The following DHRSX variants were observed in gnomAD, a reference collection of about 807,000 sequenced individuals.
DHRSX encodes dehydrogenase/reductase X-linked, also known as polyprenol dehydrogenase.
In DHRSX, 31 loss-of-function variants were observed where a neutral mutation model predicts 34.0. The ratio of observed to expected loss-of-function variants is 0.91; its 90% CI spans 0.69 to 1.23. DHRSX has a LOEUF of 1.23. Among genes scored for constraint, DHRSX ranks in the 50% most tolerant of loss-of-function variants. DHRSX has a pLI of 0.00. For missense variants in DHRSX, 414 were observed against 428.1 expected, an observed-to-expected ratio of 0.97 and a Z score of 0.29; for synonymous variants, 201 against 183.8, an observed-to-expected ratio of 1.09 and a Z score of -0.76.
At chrX:2,499,287 TC>T (rs2045353952) in intron 1 of DHRSX, among the ~76,000 whole-genome samples, 1 of 151,888 alleles carries the variant, frequency 6.6e-6, no homozygotes, top group Non-Finnish European at 1.5e-5. Flanking sequence ...AAATAACAGC[TC>T]TCTTCTTAGG....
intron 3 of DHRSX, among the ~76,000 whole-genome samples, chrX:2,294,000 A>C (rs1376488722): frequency 2.0e-5 from 3 of 152,114 alleles, no homozygotes; most frequent in East Asian, 1.9e-4. Flanking sequence ...CATCAGAGAG[A>C]GAGAAGAGAC....
chrX:2,424,429 C>T (rs1435907461), intron 2 of DHRSX, among the ~76,000 whole-genome samples: 5 of 151,966 alleles, frequency 3.3e-5, no homozygotes, highest in South Asian at 2.1e-4. Context: ...AGTGAGGTGT[C>T]GGGAGGAACC....
At chrX:2,282,883 G>A (rs919380557) in intron 4 of DHRSX, among the ~76,000 whole-genome samples, 5 of 140,236 alleles carry the variant, frequency 3.6e-5, no homozygotes, top group Admixed American at 1.4e-4. Context: ...GGGAGAGAGG[G>A]AGGGAGGAGG....
At chrX:2,469,986 A>G (rs773698966) in intron 1 of DHRSX, among the ~76,000 whole-genome samples, 1 of 152,188 alleles carries the variant, frequency 6.6e-6, no homozygotes, top group South Asian at 2.1e-4. Context: ...GTTCCAAGAT[A>G]TACAATCAAC....
At chrX:2,465,809 C>CAAAAAAAAAAAAAAAAA (rs375728172) in intron 1 of DHRSX, among the ~76,000 whole-genome samples, 15 of 84,720 alleles carry the variant, frequency 1.8e-4, no homozygotes, top group African/African-American at 5.4e-4. Context: ...AACTCCATCG[C>CAAAAAAAAAAAAAAAAA]AAAAAAAAAA....
chrX:2,255,188 C>G (rs1278314348), intron 5 of DHRSX, among the ~76,000 whole-genome samples: 1 of 152,016 alleles, frequency 6.6e-6, no homozygotes, highest in African/African-American at 2.4e-5. Flanking sequence ...TGGTGTCGAT[C>G]TCAAAGAGAG....
chrX:2,463,120 C>T (rs1429681352), intron 1 of DHRSX, among the ~76,000 whole-genome samples: 1 of 152,174 alleles, frequency 6.6e-6, no homozygotes, highest in Non-Finnish European at 1.5e-5. Context: ...TGATCTTGAA[C>T]CTCCAGCCTT....
intron 1 of DHRSX, among the ~76,000 whole-genome samples, chrX:2,491,672 G>A (rs1383835272): frequency 1.3e-5 from 2 of 152,214 alleles, no homozygotes; most frequent in Admixed American, 1.3e-4. Context: ...ATGAAGCCAT[G>A]TGGAACGTCA....
intron 1 of DHRSX, among the ~76,000 whole-genome samples, chrX:2,443,423 C>T (rs1420932243): frequency 6.6e-6 from 1 of 151,988 alleles, no homozygotes; most frequent in Non-Finnish European, 1.5e-5. Context: ...CCAGTCAAGG[C>T]AGCATGCAAA....
rs1159991841 is a variant in DHRSX, at chrX:2,331,436, G to GTTTTTTTTTT, written c.287-39843_287-39834dup. ...GGAATCCTTTCAGGAAGGTTTTTTG[G>GTTTTTTTTTT]TTTTTTTTTTTTTTTTTTTTTTTTT... On this transcript the variant is annotated intron_variant, in intron 3 of 6. Transcript: ENST00000334651. 5.4e-3 allele frequency among the ~76,000 whole-genome samples: 514 copies of GTTTTTTTTTT among 94,616 alleles called. 69 individuals carry two copies. The highest frequency in any genetic ancestry group is 8.9e-3 in the Non-Finnish European group (412 of 46,446). The allele number at this position is 94,616 out of a possible 152,430, so 62.1% of individuals were successfully genotyped here.
At chrX:2,427,835 T>G (rs2043868591) in intron 1 of DHRSX, among the ~76,000 whole-genome samples, 1 of 152,226 alleles carries the variant, frequency 6.6e-6, no homozygotes, top group African/African-American at 2.4e-5. Context: ...TGGAATGTTC[T>G]TTATTAAAAT....
intron 4 of DHRSX, among the ~76,000 whole-genome samples, chrX:2,290,309 T>C (rs1472136919): frequency 6.6e-6 from 1 of 152,108 alleles, no homozygotes; most frequent in Non-Finnish European, 1.5e-5. Flanking sequence ...AAAAATTAGA[T>C]AGAAGCTACC....
At chrX:2,379,451 A>G (rs1339915761) in intron 3 of DHRSX, among the ~76,000 whole-genome samples, 1 of 152,176 alleles carries the variant, frequency 6.6e-6, no homozygotes, top group Non-Finnish European at 1.5e-5. Context: ...TCTGTGAATG[A>G]GGATAGCCCA....
chrX:2,308,880 G>A (rs995070698), intron 3 of DHRSX, among the ~76,000 whole-genome samples: 79 of 141,120 alleles, frequency 5.6e-4, no homozygotes, highest in Non-Finnish European at 1.1e-3. Flanking sequence ...AAGGATGGGT[G>A]GAAACGGGGA....
chrX:2,446,260 A>T (rs2044132829), intron 1 of DHRSX, among the ~76,000 whole-genome samples: 2 of 151,698 alleles, frequency 1.3e-5, no homozygotes, highest in South Asian at 4.2e-4. Flanking sequence ...CACACCATGT[A>T]CAAACTGAAG....
chrX:2,445,457 T>C (rs1386158067), intron 1 of DHRSX, among the ~76,000 whole-genome samples: 1 of 152,142 alleles, frequency 6.6e-6, no homozygotes, highest in Non-Finnish European at 1.5e-5. Context: ...TAACCATTAC[T>C]GTATTTTTTT....
intron 3 of DHRSX, among the ~76,000 whole-genome samples, chrX:2,407,967 A>G (rs985082608): frequency 1.3e-5 from 2 of 152,204 alleles, no homozygotes; most frequent in Non-Finnish European, 2.9e-5. Context: ...AAAAGGACAG[A>G]GCATTGAGAA....
At chrX:2,259,041 G>C (rs1169659407) in intron 5 of DHRSX, among the ~76,000 whole-genome samples, 3 of 152,302 alleles carry the variant, frequency 2.0e-5, no homozygotes, top group African/African-American at 7.2e-5. Context: ...TTGGGAGGCC[G>C]AGGCGAGAGG....
chrX:2,314,731 TC>T (rs1182410505), intron 3 of DHRSX, among the ~76,000 whole-genome samples: 1 of 152,060 alleles, frequency 6.6e-6, no homozygotes, highest in African/African-American at 2.4e-5. Flanking sequence ...AAAGAATGAC[TC>T]CCTAGACCCT....
Sources: gnomAD v4.1 joint callset for allele counts (sites outside exome capture counted in the v4.1 genomes callset) on GRCh38, gnomAD v4.1.1 for gene constraint, MANE v1.5 for transcripts, NCBI Gene and HGNC (gene_info 2026-07-23, HGNC 2026-07-21) for gene names.